The following BBS9 variants were observed in gnomAD, a reference collection of about 807,000 sequenced individuals.
BBS9 encodes the protein protein PTHB1.
Under a neutral mutation model 117.7 loss-of-function variants are expected in BBS9, and 89 were observed. The ratio of observed to expected loss-of-function variants is 0.76; its 90% CI spans 0.64 to 0.90. The LOEUF (loss-of-function observed/expected upper bound fraction) is 0.90, where lower values mean the gene tolerates loss of function less well. Ranked by LOEUF, BBS9 falls within the 40% of genes least tolerant of loss-of-function variation. The pLI is 0.00. For synonymous variants in BBS9, 379 were observed against 370.9 expected (o/e 1.02, Z -0.25); for missense variants, 982 against 1,042.2 (o/e 0.94, Z 0.80).
chr7:33,616,208 A>T (rs1865121818), intron 21 of BBS9, among the ~76,000 whole-genome samples: 1 of 151,138 alleles, frequency 6.6e-6, no homozygotes, highest in Admixed American at 6.6e-5. Context: ...ATAATAAACA[A>T]TGTATTAAAA....
At chr7:33,157,527 C>T (rs1301836059) in intron 4 of BBS9, 1 of 146,928 alleles carries the variant, frequency 6.8e-6, no homozygotes, top group Non-Finnish European at 1.5e-5. Flanking sequence ...TTTTTCCTGG[C>T]TTGGGCTTAA....
At chr7:33,254,494 A>G (rs1447332615) in intron 5 of BBS9, among the ~76,000 whole-genome samples, 1 of 152,138 alleles carries the variant, frequency 6.6e-6, no homozygotes, top group Non-Finnish European at 1.5e-5. Context: ...AGTATGGATC[A>G]CTTCTCATAA....
intron 17 of BBS9, among the ~76,000 whole-genome samples, 182 bp downstream of exon 17, chr7:33,368,044 A>G (rs1328347876): frequency 6.6e-6 from 1 of 152,200 alleles, no homozygotes; most frequent in African/African-American, 2.4e-5. Context: ...GTTTTATTAG[A>G]GAACACTGAT....
chr7:33,382,109 A>C (rs534271103), intron 17 of BBS9, among the ~76,000 whole-genome samples: 1 of 152,272 alleles, frequency 6.6e-6, no homozygotes, highest in East Asian at 1.9e-4. Context: ...TGCATAATAG[A>C]TGGTCAATAA....
intron 13 of BBS9, among the ~76,000 whole-genome samples, chr7:33,349,808 T>C (rs1331199012): frequency 6.6e-6 from 1 of 152,188 alleles, no homozygotes; most frequent in Non-Finnish European, 1.5e-5. Flanking sequence ...TCGGTAATGT[T>C]TGAAGAATTA....
intron 4 of BBS9, among the ~76,000 whole-genome samples, chr7:33,176,553 G>T (rs992525428): frequency 1.3e-5 from 2 of 152,128 alleles, no homozygotes; most frequent in Non-Finnish European, 2.9e-5. Flanking sequence ...CTCAGTGTAT[G>T]TTGGTAAATT....
At chr7:33,415,830 T>A (rs959056865) in intron 19 of BBS9, among the ~76,000 whole-genome samples, 2 of 152,146 alleles carry the variant, frequency 1.3e-5, no homozygotes, top group African/African-American at 4.8e-5. Flanking sequence ...AAACATTTTT[T>A]TAATTAAGAA....
chr7:33,569,757 G>T (rs571049010), intron 21 of BBS9, among the ~76,000 whole-genome samples: 1 of 151,950 alleles, frequency 6.6e-6, no homozygotes, highest in Admixed American at 6.6e-5. Flanking sequence ...GCGAAACTCC[G>T]TTTCAAAAAA....
intron 5 of BBS9, among the ~76,000 whole-genome samples, chr7:33,193,966 T>A (rs1784561070): frequency 1.3e-5 from 2 of 152,202 alleles, no homozygotes; most frequent in South Asian, 4.1e-4. Flanking sequence ...TGGGTGTGTG[T>A]GAGGCTTCAC....
chr7:33,346,345 C>T (rs1584430203), intron 12 of BBS9: 7 of 441,406 alleles, frequency 1.6e-5, no homozygotes, highest in South Asian at 8.7e-5. Flanking sequence ...GTGCATGATG[C>T]GTGACCATCT....
Position 33,130,306 on chromosome 7 carries a change from T to A in BBS9, c.-12+265T>A, listed in dbSNP as rs138980339. Among the ~76,000 whole-genome samples the A allele has an allele frequency of 2.2e-3, 329 of 152,292 alleles. 1 individual carries two copies. The highest frequency in any genetic ancestry group is 0.02 in the Middle Eastern group (6 of 294). On this transcript the variant is annotated intron_variant, in intron 1 of 22. Coordinates refer to ENST00000242067, the MANE Select transcript of BBS9 (RefSeq NM_198428.3). Reference sequence around the variant, plus strand: ...GAGCATGAGCATCCTCCTGAGACACTTCAACAGGTCTGTGAGTAAATGGGC... The same window carrying A: ...GAGCATGAGCATCCTCCTGAGACACATCAACAGGTCTGTGAGTAAATGGGC...
At chr7:33,153,158 A>ATATAC (rs1793614697) in intron 3 of BBS9, among the ~76,000 whole-genome samples, 2 of 152,210 alleles carry the variant, frequency 1.3e-5, no homozygotes, top group Non-Finnish European at 2.9e-5. Flanking sequence ...TACTTATTTA[A>ATATAC]AGTTATATAA....
rs542404362 is a variant in BBS9 at position 33,493,693 on chromosome 7, T to C, written c.2116-11770T>C. ...CGGATTGGACAATAATCCAAGGCAG[T>C]GTCTTTTTCCCCTCGTAATGGACGT... On this transcript the variant is annotated intron_variant, in intron 19 of 22. Transcript: ENST00000242067. Among the ~76,000 whole-genome samples, 8 of 152,302 alleles carry C rather than the reference T, an allele frequency of 5.3e-5. No individual in the cohort carries two copies. The East Asian group carries it at 9.7e-4, about 18-fold the overall frequency.
Position 33,546,286 on chromosome 7 carries a change from A to C in BBS9, c.2521+12110A>C, listed in dbSNP as rs192205110. 2.2e-3 allele frequency among the ~76,000 whole-genome samples: 330 copies of C among 152,166 alleles called. 2 individuals carry two copies. Among genetic ancestry groups the C allele is most frequent in the Non-Finnish European group, 3.8e-3 (257 of 67,988 alleles). On this transcript the variant is annotated intron_variant, in intron 21 of 22. Coordinates refer to ENST00000242067, the MANE Select transcript of BBS9 (RefSeq NM_198428.3). ...GTTATTTCATTATTAAATAGCATACATTTTTTAAAAAGCTACATACTTAAC... is the reference window on the plus strand; with the variant it reads ...GTTATTTCATTATTAAATAGCATACCTTTTTTAAAAAGCTACATACTTAAC...
intron 20 of BBS9, among the ~76,000 whole-genome samples, chr7:33,516,858 G>A (rs1321511239): frequency 1.3e-5 from 2 of 152,200 alleles, no homozygotes; most frequent in Admixed American, 6.5e-5. Context: ...TGTGAGAACC[G>A]AATGAACACA....
intron 1 of BBS9, among the ~76,000 whole-genome samples, chr7:33,134,875 C>T (rs766399558): frequency 1.1e-4 from 17 of 152,154 alleles, no homozygotes; most frequent in Non-Finnish European, 1.9e-4. Flanking sequence ...GGATTACAGG[C>T]GTCAGCCACT....
chr7:33,607,604 A>G (rs541251060), downstream of BBS9, among the ~76,000 whole-genome samples: 1 of 152,230 alleles, frequency 6.6e-6, no homozygotes, highest in South Asian at 2.1e-4. Context: ...CTTTTTAACA[A>G]TTCTGCATTT....
intron 19 of BBS9, among the ~76,000 whole-genome samples, chr7:33,429,291 A>G (rs1314576975): frequency 6.6e-6 from 1 of 152,164 alleles, no homozygotes; most frequent in Non-Finnish European, 1.5e-5. Context: ...AATAAAAAAA[A>G]AAAAAATTCA....
At chr7:33,165,689 T>C (rs1795570984) in intron 4 of BBS9, among the ~76,000 whole-genome samples, 1 of 152,128 alleles carries the variant, frequency 6.6e-6, no homozygotes, top group African/African-American at 2.4e-5. Flanking sequence ...ATCAGGTCAT[T>C]TAAGGTCTTC....
Sources: gnomAD v4.1 joint callset for allele counts (sites outside exome capture counted in the v4.1 genomes callset) on GRCh38, gnomAD v4.1.1 for gene constraint, MANE v1.5 for transcripts, NCBI Gene and HGNC (gene_info 2026-07-23, HGNC 2026-07-21) for gene names.